Variants in CHUK observed in about 807,000 individuals in gnomAD.
CHUK encodes inhibitor of nuclear factor kappa-B kinase subunit alpha.
CHUK carries 35 observed loss-of-function variants against 104.8 expected under a neutral mutation model. The ratio of observed to expected loss-of-function variants is 0.33; its 90% CI spans 0.26 to 0.44. The LOEUF is 0.44. Ranked by LOEUF, CHUK falls within the 20% of genes least tolerant of loss-of-function variation. CHUK has a pLI of 1.00. For missense variants in CHUK, 663 were observed against 902.7 expected (o/e 0.73, Z 3.40); for synonymous variants, 276 against 291.9 (o/e 0.95, Z 0.56).
At chr10:100,226,936 C>G (rs1177571857) in intron 1 of CHUK, among the ~76,000 whole-genome samples, 2 of 152,098 alleles carry the variant, frequency 1.3e-5, no homozygotes, top group Non-Finnish European at 2.9e-5. Flanking sequence ...AAGATGATAC[C>G]TGGTGCATAG....
chr10:100,194,737 G>A, intron 16 of CHUK: 1 of 383,420 alleles, frequency 2.6e-6, no homozygotes, highest in Non-Finnish European at 4.8e-6. Context: ...GGTGTATAAT[G>A]TATATATAAA....
chr10:100,194,758 A>G (rs1034074469), intron 16 of CHUK: 16 of 330,040 alleles, frequency 4.8e-5, no homozygotes, highest in African/African-American at 3.5e-4. Context: ...TTTATCAGTA[A>G]GAGACCTTAG....
Position 100,194,483 on chromosome 10 carries a change from T to TG in CHUK, c.1767dup (p.Ile590HisfsTer26). 6.2e-7 allele frequency: 1 copy of TG among 1,613,544 alleles called. No homozygotes were observed. Among genetic ancestry groups the TG allele is most frequent in the Non-Finnish European group, 8.5e-7 (1 of 1,179,540 alleles). ...TCCTGACTCTGCACAGTGTGCACAATGATTTTCACCATCTCTGTGCTGTCA... is the reference window on the plus strand; with the variant it reads ...TCCTGACTCTGCACAGTGTGCACAATGGATTTTCACCATCTCTGTGCTGTCA... On this transcript the variant is annotated frameshift_variant, in exon 17 of 21. Coordinates refer to ENST00000370397, the MANE Select transcript of CHUK (RefSeq NM_001278.5). LOFTEE classifies it high-confidence loss of function.
rs139357689 is a variant in CHUK, at chr10:100,226,066, G to C, written c.106-49C>G. 5 of 1,080,450 alleles carry C rather than the reference G, an allele frequency of 4.6e-6. No homozygotes were observed. In the East Asian group the frequency reaches 1.2e-4, roughly 26 times the overall value. The allele number at this position is 1,080,450 out of a possible 1,614,324, so 66.9% of individuals were successfully genotyped here. A position where few individuals can be genotyped will look rare whatever the true frequency, so the allele number is the denominator to read the frequency against. ...AAAAAAAAAATTAGGTTCTTGTGAA[G>C]ATTTATTTGCTACCAAAGAAATAAC... On this transcript the variant is annotated intron_variant, in intron 1 of 20. Coordinates refer to ENST00000370397, the MANE Select transcript of CHUK (RefSeq NM_001278.5).
chr10:100,198,903 TTAAC>T (rs1368211407), intron 16 of CHUK, among the ~76,000 whole-genome samples: 1 of 152,186 alleles, frequency 6.6e-6, no homozygotes, highest in Non-Finnish European at 1.5e-5. Context: ...AAACAAATTT[TTAAC>T]TAAATGATAA....
In CHUK at chr10:100,200,720, G is replaced by C. The variant is rs1388040096; in HGVS notation, c.1630C>G (p.Leu544Val). 1 of 1,607,988 alleles carries C rather than the reference G, an allele frequency of 6.2e-7. No homozygotes were observed. Among genetic ancestry groups the C allele is most frequent in the Non-Finnish European group, 8.5e-7 (1 of 1,175,036 alleles). Residue 544 changes from leucine to valine, a missense_variant, in exon 15 of 21, where the codon CTA becomes GTA. By Grantham distance (32) the Leu-to-Val change is conservative (BLOSUM62 1). This residue lies in a region of CHUK where 311 missense variants were observed against 393.4 expected (regional missense o/e 0.79). Transcript: ENST00000370397. ...CGTCTTCCATAGGGGCTCTTCTGTAGCTCCATGATTTCAGCATGCAAAGAC... is the reference window on the plus strand; with the variant it reads ...CGTCTTCCATAGGGGCTCTTCTGTACCTCCATGATTTCAGCATGCAAAGAC... ...IMSLHAEIME[L>V]QKSPYGRRQG...
chr10:100,208,131 G>C (rs1341779812), intron 10 of CHUK, among the ~76,000 whole-genome samples: 1 of 151,964 alleles, frequency 6.6e-6, no homozygotes, highest in Non-Finnish European at 1.5e-5. Flanking sequence ...TTTGAGACAG[G>C]GTCTTGCTCT....
chr10:100,227,301 G>GGCTGTAC (rs1486779366), intron 1 of CHUK, among the ~76,000 whole-genome samples: 1 of 152,186 alleles, frequency 6.6e-6, no homozygotes, highest in Non-Finnish European at 1.5e-5. Flanking sequence ...ATAGGGTTAT[G>GGCTGTAC]GCTGTACAAC....
intron 11 of CHUK, 149 bp from the exon 12 acceptor site, chr10:100,205,348 C>T (rs1218828767): frequency 1.4e-5 from 12 of 841,088 alleles, no homozygotes; most frequent in Non-Finnish European, 2.2e-5. Flanking sequence ...CCACTTGTTT[C>T]CATTTAATTC....
intron 9 of CHUK, among the ~76,000 whole-genome samples, chr10:100,213,869 G>T (rs1845792298): frequency 6.6e-6 from 1 of 152,150 alleles, no homozygotes; most frequent in Admixed American, 6.5e-5. Flanking sequence ...ATAACCTGAA[G>T]CTGATCCTTT....
At chr10:100,210,170 C>G (rs1207457420) in intron 9 of CHUK, among the ~76,000 whole-genome samples, 4 of 148,574 alleles carry the variant, frequency 2.7e-5, no homozygotes, top group Non-Finnish European at 6.0e-5. Flanking sequence ...TCACTGCAAG[C>G]TCCGCCTCCC....
At chr10:100,222,615 T>C (rs1444967796) in intron 3 of CHUK, among the ~76,000 whole-genome samples, 1 of 152,200 alleles carries the variant, frequency 6.6e-6, no homozygotes, top group Non-Finnish European at 1.5e-5. Flanking sequence ...AGGAACCATA[T>C]GGTAAATACT....
intron 4 of CHUK, 110 bp from the exon 5 acceptor site, chr10:100,220,786 C>T: frequency 1.4e-6 from 1 of 713,890 alleles, no homozygotes; most frequent in Non-Finnish European, 2.5e-6. Flanking sequence ...TTATATGGAT[C>T]ATCGTAACTA....
downstream of CHUK, chr10:100,186,752 A>G (rs1845022728): frequency 6.6e-6 from 1 of 152,254 alleles, no homozygotes; most frequent in Admixed American, 6.5e-5. Context: ...TAAAAAAGGG[A>G]AGGAAAAAGG....
Position 100,189,565 on chromosome 10 carries a change from C to T in CHUK, c.*33G>A. On this transcript the variant is annotated 3_prime_UTR_variant, in exon 21 of 21. Coordinates refer to ENST00000370397, the MANE Select transcript of CHUK (RefSeq NM_001278.5). ...TTTCCAACATGTATAGCAACAACTT[C>T]CATAGGTTTGGGGACAGTGAACAAG... 1 of 1,584,326 alleles carries T rather than the reference C, an allele frequency of 6.3e-7. No individual in the cohort carries two copies. The highest frequency in any genetic ancestry group is 8.7e-7 in the Non-Finnish European group (1 of 1,152,932).
intron 10 of CHUK, among the ~76,000 whole-genome samples, chr10:100,207,958 T>C (rs1218138466): frequency 6.6e-6 from 1 of 152,048 alleles, no homozygotes; most frequent in Non-Finnish European, 1.5e-5. Context: ...GGAACTAACA[T>C]GATAATATGC....
intron 9 of CHUK, among the ~76,000 whole-genome samples, chr10:100,210,885 G>A (rs1010666446): frequency 2.6e-4 from 40 of 152,242 alleles, no homozygotes; most frequent in Non-Finnish European, 3.2e-4. Flanking sequence ...CTGTCAGCGC[G>A]GACAGCCACA....
chr10:100,208,374 G>A (rs935494742), intron 10 of CHUK, among the ~76,000 whole-genome samples: 2 of 152,144 alleles, frequency 1.3e-5, no homozygotes, highest in African/African-American at 2.4e-5. Context: ...CCAAAGTCCC[G>A]GGATTACAGG....
chr10:100,194,347 A>G, intron 17 of CHUK, 78 bp downstream of exon 17: 1 of 1,204,660 alleles, frequency 8.3e-7, no homozygotes, highest in Admixed American at 1.8e-5. Context: ...TACTTTACCA[A>G]AGAGGGCTTT....
Sources: gnomAD v4.1 joint callset for allele counts (sites outside exome capture counted in the v4.1 genomes callset) on GRCh38, gnomAD v4.1.1 for gene constraint, gnomAD v4.1.1 regional missense constraint, MANE v1.5 for transcripts, NCBI Gene and HGNC (gene_info 2026-07-23, HGNC 2026-07-21) for gene names.